CDC73: variants seen among roughly 807,000 people sequenced by gnomAD.
CDC73 encodes the protein cell division cycle 73, also known as parafibromin.
Under a neutral mutation model 83.7 loss-of-function variants are expected in CDC73, and 21 were observed. That is an observed-to-expected ratio of 0.25 (90% CI 0.18 to 0.36). The LOEUF (loss-of-function observed/expected upper bound fraction) is 0.36. Ranked by LOEUF, CDC73 falls within the 10% of genes least tolerant of loss-of-function variation. The pLI is 1.00. For missense variants in CDC73, 342 were observed against 653.3 expected (o/e 0.52, Z 5.19); for synonymous variants, 224 against 212.9 (o/e 1.05, Z -0.45).
chr1:193,200,047 C>T (rs919768957), intron 10 of CDC73, among the ~76,000 whole-genome samples: 30 of 142,830 alleles, frequency 2.1e-4, no homozygotes, highest in African/African-American at 4.5e-4. Context: ...GGCAACATGG[C>T]GAAACCCTGT....
intron 10 of CDC73, among the ~76,000 whole-genome samples, chr1:193,164,537 G>C (rs905976927): frequency 2.0e-5 from 3 of 152,086 alleles, no homozygotes; most frequent in African/African-American, 4.8e-5. Context: ...CATGTTCTCT[G>C]TGTAAAGCTA....
At chr1:193,206,064 A>G (rs767389882) in intron 11 of CDC73, among the ~76,000 whole-genome samples, 9 of 152,224 alleles carry the variant, frequency 5.9e-5, no homozygotes, top group Admixed American at 3.9e-4. Context: ...AAAAGAAGTT[A>G]GTATGTAAGG....
chr1:193,210,079 T>C (rs1423210234), intron 11 of CDC73, among the ~76,000 whole-genome samples: 1 of 152,082 alleles, frequency 6.6e-6, no homozygotes, highest in Non-Finnish European at 1.5e-5. Context: ...CTCAAATTGA[T>C]TTAAGAAAAT....
At chr1:193,122,448 G>C (rs565527404) in intron 1 of CDC73, 117 bp downstream of exon 1, 244 of 1,358,560 alleles carry the variant, frequency 1.8e-4, no homozygotes, top group Non-Finnish European at 2.5e-4. Context: ...ACGGGTGTTC[G>C]GGGAAAAGAA....
At chr1:193,213,122 G>A (rs1677305422) in intron 13 of CDC73, among the ~76,000 whole-genome samples, 1 of 151,996 alleles carries the variant, frequency 6.6e-6, no homozygotes, top group South Asian at 2.1e-4. Context: ...TTTTCCCATA[G>A]CATTTCTTCT....
At chr1:193,232,967 T>C (rs768230307) in intron 13 of CDC73, 26 bp from the exon 14 acceptor site, 14 of 1,602,468 alleles carry the variant, frequency 8.7e-6, no homozygotes, top group Non-Finnish European at 1.1e-5. Context: ...ATACATTGAC[T>C]TTTTCTCATC....
At position 193,170,100 on chromosome 1, in the gene CDC73, A is replaced by G. The variant is rs979939580; in HGVS notation, c.972+17656A>G. ...GCTAAGGATAATGGTCTCTAGCTCC[A>G]TCCATGTCCCTGCAAAGGATATGAT... On this transcript the variant is annotated intron_variant, in intron 10 of 16. Transcript: ENST00000367435. 8.6e-5 allele frequency among the ~76,000 whole-genome samples: 13 copies of G among 152,014 alleles called. 1 individual carries two copies. The highest frequency in any genetic ancestry group is 3.1e-4 in the African/African-American group (13 of 41,390).
chr1:193,180,301 A>G lies in CDC73; in HGVS notation c.973-23494A>G, dbSNP rs773346981. Reference sequence around the variant, plus strand: ...GAAAAAAAATTGTCTTTTCTAATGTAGTTTACGGTGGCGATACCTGCCTGC... The same window carrying G: ...GAAAAAAAATTGTCTTTTCTAATGTGGTTTACGGTGGCGATACCTGCCTGC... On this transcript the variant is annotated intron_variant, in intron 10 of 16. Coordinates refer to ENST00000367435, the MANE Select transcript of CDC73 (RefSeq NM_024529.5). 3 of 1,569,496 alleles carry G rather than the reference A, an allele frequency of 1.9e-6. No homozygotes were observed. In the East Asian group the frequency reaches 6.8e-5, roughly 35 times the overall value.
chr1:193,128,027 G>T (rs889650787), intron 2 of CDC73: 2 of 151,918 alleles, frequency 1.3e-5, no homozygotes, highest in South Asian at 2.1e-4. Context: ...CTGACCTCGC[G>T]ATCCGCCCGC....
chr1:193,192,957 A>G (rs1676943951), intron 10 of CDC73, among the ~76,000 whole-genome samples: 1 of 152,240 alleles, frequency 6.6e-6, no homozygotes, highest in East Asian at 1.9e-4. Context: ...AACTCAAGGT[A>G]AGAGAATTAG....
At chr1:193,152,729 G>C (rs1364825343) in intron 10 of CDC73, among the ~76,000 whole-genome samples, 1 of 151,856 alleles carries the variant, frequency 6.6e-6, no homozygotes, top group Admixed American at 6.6e-5. Context: ...TAAGTTATGA[G>C]GTCAGTTTGG....
chr1:193,144,844 A>C (rs1284597008), intron 7 of CDC73, among the ~76,000 whole-genome samples: 2 of 150,678 alleles, frequency 1.3e-5, no homozygotes, highest in African/African-American at 4.9e-5. Context: ...AATGAAGGAA[A>C]TAAATTTGTT....
At chr1:193,211,451 T>C (rs975342321) in intron 11 of CDC73, among the ~76,000 whole-genome samples, 1 of 152,228 alleles carries the variant, frequency 6.6e-6, no homozygotes, top group African/African-American at 2.4e-5. Context: ...AGAGATTTTC[T>C]TGTCTACTTA....
chr1:193,137,255 C>T (rs1480824893), intron 5 of CDC73, among the ~76,000 whole-genome samples: 4 of 152,134 alleles, frequency 2.6e-5, no homozygotes, highest in African/African-American at 9.7e-5. Context: ...GCATTTATTT[C>T]AGCTGATTTA....
chr1:193,230,457 ATTTTTTTTTTT>A (rs752027731), intron 13 of CDC73, among the ~76,000 whole-genome samples: 1,919 of 90,824 alleles, frequency 0.021, 53 homozygotes, highest in African/African-American at 0.084. Context: ...CTAATCCCGT[ATTTTTTTTTTT>A]TTTTTTTTTT....
chr1:193,125,579 C>CTT (rs755990596), intron 2 of CDC73, among the ~76,000 whole-genome samples: 2 of 142,952 alleles, frequency 1.4e-5, no homozygotes, highest in Non-Finnish European at 1.5e-5. Flanking sequence ...CATTTTAAAA[C>CTT]TTTTTTTTTT....
At chr1:193,233,286 C>T (rs1247905843) in intron 14 of CDC73, 132 bp downstream of exon 14, 16 of 806,016 alleles carry the variant, frequency 2.0e-5, no homozygotes, top group African/African-American at 5.1e-5. Flanking sequence ...AACTTGAACT[C>T]CTGGGCTCTG....
intron 10 of CDC73, among the ~76,000 whole-genome samples, chr1:193,188,329 A>G (rs770227095): frequency 6.6e-6 from 1 of 152,148 alleles, no homozygotes; most frequent in Non-Finnish European, 1.5e-5. Context: ...TTGAAGCAAG[A>G]TTATCTAAAT....
At chr1:193,238,939 C>G (rs1360263230) in intron 15 of CDC73, among the ~76,000 whole-genome samples, 2 of 152,144 alleles carry the variant, frequency 1.3e-5, no homozygotes, top group African/African-American at 2.4e-5. Flanking sequence ...AATGAACCCA[C>G]TCAATTGGAA....
Sources: allele counts gnomAD v4.1 joint callset (sites outside exome capture counted in the v4.1 genomes callset), GRCh38; gene constraint gnomAD v4.1.1; transcripts MANE v1.5; gene names NCBI Gene and HGNC (gene_info 2026-07-23, HGNC 2026-07-21).